PDE1A: variants seen among roughly 807,000 people sequenced by gnomAD.
PDE1A encodes dual specificity calcium/calmodulin-dependent 3',5'-cyclic nucleotide phosphodiesterase 1A.
Under a neutral mutation model 61.7 loss-of-function variants are expected in PDE1A, and 35 were observed. The observed-to-expected ratio is 0.57, with a 90% confidence interval of 0.43 to 0.75. The LOEUF is 0.75. Ranked by LOEUF, PDE1A falls within the 30% of genes least tolerant of loss-of-function variation. The pLI is 0.00. For missense variants in PDE1A, 597 were observed against 630.6 expected (o/e 0.95, Z 0.57); for synonymous variants, 232 against 213.2 (o/e 1.09, Z -0.77).
the PDE1A span, among the ~76,000 whole-genome samples, chr2:182,648,523 A>AAAAAAAAAAAAAAAAAAAAAAAAAAAAC: frequency 6.7e-6 from 1 of 150,224 alleles, no homozygotes; most frequent in Non-Finnish European, 1.5e-5. Context: ...AAAAAAAAAA[A>AAAAAAAAAAAAAAAAAAAAAAAAAAAAC]AAAAAAAAAA....
At chr2:182,452,727 A>T (rs760159137) in intron 2 of PDE1A, among the ~76,000 whole-genome samples, 2 of 152,162 alleles carry the variant, frequency 1.3e-5, no homozygotes, top group Non-Finnish European at 2.9e-5. Context: ...CCATCAAAGT[A>T]AGACTTGCAG....
intron 13 of PDE1A, among the ~76,000 whole-genome samples, chr2:182,183,280 A>G (rs1684919159): frequency 6.6e-6 from 1 of 152,230 alleles, no homozygotes; most frequent in Admixed American, 6.5e-5. Flanking sequence ...ACAACTATTC[A>G]ATGACTCTGG....
the PDE1A span, among the ~76,000 whole-genome samples, chr2:182,550,173 A>G: frequency 6.6e-6 from 1 of 152,222 alleles, no homozygotes; most frequent in Non-Finnish European, 1.5e-5. Flanking sequence ...CCTATAAATA[A>G]AGAAAGTAAA....
At chr2:182,147,067 G>C in exon 14 of PDE1A, 1 of 1,554,336 alleles carries the variant, frequency 6.4e-7, no homozygotes, top group Non-Finnish European at 8.8e-7. Flanking sequence ...AAGTCTTTAA[G>C]GTGTTTCGGG....
chr2:182,279,421 AC>A (rs1215615546), intron 1 of PDE1A, among the ~76,000 whole-genome samples: 1 of 141,802 alleles, frequency 7.1e-6, no homozygotes, highest in African/African-American at 2.5e-5. Context: ...GGTAAGAGCA[AC>A]CTTCCTTGTA....
chr2:182,506,215 T>C (rs1689402506), intron 2 of PDE1A, among the ~76,000 whole-genome samples: 1 of 152,232 alleles, frequency 6.6e-6, no homozygotes, highest in African/African-American at 2.4e-5. Context: ...GTAGAGTTCG[T>C]AAGAAAGCAA....
intron 1 of PDE1A, among the ~76,000 whole-genome samples, chr2:182,376,989 G>C (rs1700447471): frequency 1.3e-5 from 2 of 152,180 alleles, no homozygotes; most frequent in Admixed American, 1.3e-4. Context: ...ATCTTCCACA[G>C]GGTCCCAGTC....
the PDE1A span, among the ~76,000 whole-genome samples, chr2:182,588,493 T>A: frequency 6.6e-6 from 1 of 152,336 alleles, no homozygotes; most frequent in Non-Finnish European, 1.5e-5. Context: ...TTATTACTTC[T>A]GTCTAAATTT....
chr2:182,236,813 G>T (rs1387895770), intron 3 of PDE1A, among the ~76,000 whole-genome samples: 1 of 152,112 alleles, frequency 6.6e-6, no homozygotes, highest in Non-Finnish European at 1.5e-5. Context: ...GATAGGTTGA[G>T]AAATGAATAC....
chr2:182,380,959 GAGA>G, intron 1 of PDE1A, among the ~76,000 whole-genome samples: 1 of 152,318 alleles, frequency 6.6e-6, no homozygotes, highest in East Asian at 1.9e-4. Context: ...GTGTGTCTGG[GAGA>G]AGAATACCTG....
chr2:182,296,600 C>G (rs900208271), intron 1 of PDE1A, among the ~76,000 whole-genome samples: 1 of 152,126 alleles, frequency 6.6e-6, no homozygotes, highest in Non-Finnish European at 1.5e-5. Flanking sequence ...AATAAAGAGG[C>G]CACCGATCTT....
intron 13 of PDE1A, among the ~76,000 whole-genome samples, chr2:182,156,394 G>C (rs1459620079): frequency 6.6e-6 from 1 of 151,664 alleles, no homozygotes; most frequent in East Asian, 1.9e-4. Context: ...CTAAGTGACA[G>C]AGCTGGGCTT....
chr2:182,468,726 T>TACAG (rs1686831450), intron 2 of PDE1A, among the ~76,000 whole-genome samples: 1 of 152,028 alleles, frequency 6.6e-6, no homozygotes, highest in African/African-American at 2.4e-5. Flanking sequence ...CTGTGGCAAC[T>TACAG]ATAGCCTCAT....
chr2:182,377,336 G>A (rs200451148), intron 1 of PDE1A, among the ~76,000 whole-genome samples: 3 of 152,002 alleles, frequency 2.0e-5, no homozygotes, highest in South Asian at 2.1e-4. Flanking sequence ...TCCTGCTCTC[G>A]CCATATAACA....
intron 7 of PDE1A, among the ~76,000 whole-genome samples, chr2:182,206,988 T>A (rs1324000043): frequency 6.6e-6 from 1 of 152,214 alleles, no homozygotes; most frequent in Non-Finnish European, 1.5e-5. Flanking sequence ...CTTTTCTTGA[T>A]ATGTTACTGA....
the PDE1A span, among the ~76,000 whole-genome samples, chr2:182,588,403 A>G: frequency 6.6e-6 from 1 of 152,198 alleles, no homozygotes; most frequent in South Asian, 2.1e-4. Flanking sequence ...TTAAATTTCC[A>G]TAAATTCTGC....
At chr2:182,207,680 T>C (rs981845367) in intron 7 of PDE1A, among the ~76,000 whole-genome samples, 10 of 152,200 alleles carry the variant, frequency 6.6e-5, no homozygotes, top group Non-Finnish European at 1.3e-4. Context: ...AACCTAATGT[T>C]AATAGCCCAG....
the PDE1A span, among the ~76,000 whole-genome samples, chr2:182,559,600 C>A: frequency 1.8e-4 from 28 of 152,118 alleles, no homozygotes; most frequent in East Asian, 3.5e-3. Flanking sequence ...ATAGGTATAC[C>A]CCATGGCCCA....
At chr2:182,297,245 G>A (rs1439292915) in intron 1 of PDE1A, among the ~76,000 whole-genome samples, 2 of 151,264 alleles carry the variant, frequency 1.3e-5, no homozygotes, top group African/African-American at 4.9e-5. Context: ...ATTACACAAA[G>A]CTTCCACTGT....
Sources: gnomAD v4.1 joint callset for allele counts (sites outside exome capture counted in the v4.1 genomes callset) on GRCh38, gnomAD v4.1.1 for gene constraint, MANE v1.5 for transcripts, NCBI Gene and HGNC (gene_info 2026-07-23, HGNC 2026-07-21) for gene names.